ADPGK: variants seen among roughly 807,000 people sequenced by gnomAD.
ADPGK encodes ADP dependent glucokinase, also known as ADP-dependent glucokinase.
ADPGK carries 26 observed loss-of-function variants against 42.4 expected under a neutral mutation model. That is an observed-to-expected ratio of 0.61 (90% CI 0.45 to 0.85). ADPGK has a LOEUF of 0.85. Among genes scored for constraint, ADPGK ranks in the 40% least tolerant of loss-of-function variants. ADPGK has a pLI of 0.00. For missense variants in ADPGK, 571 were observed against 627.0 expected (o/e 0.91, Z 0.95); for synonymous variants, 267 against 252.6 (o/e 1.06, Z -0.54).
At chr15:72,753,829 A>C (rs1323447735) in intron 6 of ADPGK, among the ~76,000 whole-genome samples, 1 of 152,160 alleles carries the variant, frequency 6.6e-6, no homozygotes, top group East Asian at 1.9e-4. Flanking sequence ...GAAATGGCTC[A>C]TTTTTTTAAA....
At position 72,783,603 on chromosome 15, in the gene ADPGK, G is replaced by T; in HGVS notation, c.89C>A (p.Ser30Ter). ...CGAGCTCCAGAGAGAGCGCAGCGCC[G>T]AGCCTGGCAGCTCTGGCTCCAGCAG... ...VFLLEPELPGSALRSLWSSLC... is the reference protein window; with the variant it reads ...VFLLEPELPG Residue 30 changes from serine to a stop codon, truncating the protein, a stop_gained, in exon 1 of 7, where the codon TCG becomes TAG. Transcript: ENST00000456471. LOFTEE classifies it high-confidence loss of function. 6.6e-7 allele frequency: 1 copy of T among 1,516,348 alleles called. No individual in the cohort carries two copies. Among genetic ancestry groups the T allele is most frequent in the Non-Finnish European group, 8.8e-7 (1 of 1,140,218 alleles). 93.9% of individuals were successfully genotyped at this position (1,516,348 alleles called of 1,614,324 possible). A position where few individuals can be genotyped will look rare whatever the true frequency, so the allele number is the denominator to read the frequency against.
At chr15:72,772,500 C>G (rs1316188235) in intron 2 of ADPGK, among the ~76,000 whole-genome samples, 1 of 152,154 alleles carries the variant, frequency 6.6e-6, no homozygotes, top group Non-Finnish European at 1.5e-5. Context: ...TCCCCTTACA[C>G]CCCACTGACA....
rs574477930 is a variant in ADPGK at position 72,781,170 on chromosome 15, T to C, written c.233+2289A>G. On this transcript the variant is annotated intron_variant, in intron 1 of 6. Transcript: ENST00000456471. ...CCCTATCTTTGGGCTAAAAATCCTC[T>C]TTGGGTAATAAATGATGAGAAGCAG... 2.6e-5 allele frequency among the ~76,000 whole-genome samples: 4 copies of C among 152,324 alleles called. No individual in the cohort carries two copies. In the South Asian group the frequency reaches 8.3e-4, roughly 32 times the overall value.
In ADPGK at chr15:72,783,755, C is replaced by T; in HGVS notation, c.-64G>A. Reference sequence around the variant, plus strand: ...TCCTAGCCCGCGCCTCTTCCGGGCTCGGCGCGCGCCGATGTCGACACAAGC... The same window carrying T: ...TCCTAGCCCGCGCCTCTTCCGGGCTTGGCGCGCGCCGATGTCGACACAAGC... On this transcript the variant is annotated 5_prime_UTR_variant, in exon 1 of 7. Coordinates refer to ENST00000456471, the MANE Select transcript of ADPGK (RefSeq NM_001365225.1). 1 of 1,381,360 alleles carries T rather than the reference C, an allele frequency of 7.2e-7. No homozygotes were observed. The allele number at this position is 1,381,360 out of a possible 1,614,324, so 85.6% of individuals were successfully genotyped here.
chr15:72,775,222 C>T, intron 1 of ADPGK, 125 bp from the exon 2 acceptor site: 2 of 776,008 alleles, frequency 2.6e-6, no homozygotes, highest in South Asian at 1.6e-5. Flanking sequence ...GGTCTGAAAC[C>T]TGAATTGGGA....
chr15:72,756,515 A>G (rs1595788707), intron 4 of ADPGK, 68 bp from the exon 5 acceptor site: 4 of 1,535,568 alleles, frequency 2.6e-6, no homozygotes, highest in Non-Finnish European at 3.5e-6. Flanking sequence ...CTGTGGGGGC[A>G]CTTTCAGGCA....
chr15:72,760,074 G>A (rs754753090), intron 4 of ADPGK: 41 of 157,996 alleles, frequency 2.6e-4, no homozygotes, highest in Admixed American at 5.1e-4. Flanking sequence ...CCTTTCTCTT[G>A]TCTTAGTCAT....
intron 1 of ADPGK, among the ~76,000 whole-genome samples, chr15:72,777,630 A>G (rs984186440): frequency 1.3e-5 from 2 of 151,968 alleles, no homozygotes; most frequent in African/African-American, 4.8e-5. Context: ...GTGAGCTGAG[A>G]TCGTGCCATG....
chr15:72,760,480 A>G lies in ADPGK; in HGVS notation c.570T>C (p.Asp190=). The change falls in exon 4 of 7, where the codon GAT becomes GAC. Residue 190 remains aspartate, a synonymous_variant. Coordinates refer to ENST00000456471, the MANE Select transcript of ADPGK (RefSeq NM_001365225.1). The part of the protein sequence containing the change: ...PVGPKLHELL[D]DNVFVPPESL... ...ACTCTGGTGGAACAAAGACATTGTC[A>G]TCAAGAAGCTCATGTAGCTTTGGAC... The G allele has an allele frequency of 1.2e-6, 2 of 1,610,526 alleles. No homozygotes were observed. The highest frequency in any genetic ancestry group is 1.7e-6 in the Non-Finnish European group (2 of 1,177,130).
At position 72,771,829 on chromosome 15, in the gene ADPGK, T is replaced by C. The variant is rs761110123; in HGVS notation, c.476A>G (p.Asn159Ser). Residue 159 changes from asparagine to serine, a missense_variant, in exon 3 of 7, where the codon AAT (asparagine) becomes AGT (serine). Around this residue, in one of 2 missense-constraint regions of ADPGK, gnomAD observed 434 missense variants for 522.7 expected, o/e 0.83. Transcript: ENST00000456471. Reference protein sequence around the residue: ...FPGAQHYVGGNAALIGQKFAA... With the variant: ...FPGAQHYVGGSAALIGQKFAA... ...AAATTTCTGTCCAATTAAAGCTGCATTTCCTCCTACATAGTGCTGTAAGAG... is the reference window on the plus strand; with the variant it reads ...AAATTTCTGTCCAATTAAAGCTGCACTTCCTCCTACATAGTGCTGTAAGAG... 5 of 1,613,350 alleles carry C rather than the reference T, an allele frequency of 3.1e-6. No homozygotes were observed. The South Asian group carries it at 5.5e-5, about 18-fold the overall frequency.
chr15:72,764,996 G>GAA (rs56080191), intron 3 of ADPGK, among the ~76,000 whole-genome samples: 1 of 136,576 alleles, frequency 7.3e-6, no homozygotes. Flanking sequence ...CTACTGCTCA[G>GAA]AAAAAAAAAA....
intron 6 of ADPGK, among the ~76,000 whole-genome samples, chr15:72,754,712 A>C (rs77474591): frequency 0.076 from 11,507 of 152,288 alleles, 605 homozygotes; most frequent in Non-Finnish European, 0.12. Context: ...CCATATGGCT[A>C]TGAAAAGACA....
At chr15:72,766,517 T>C (rs1327406998) in intron 3 of ADPGK, among the ~76,000 whole-genome samples, 1 of 152,200 alleles carries the variant, frequency 6.6e-6, no homozygotes, top group Non-Finnish European at 1.5e-5. Context: ...AGATGATTGT[T>C]AACATTTTTT....
At position 72,775,035 on chromosome 15, in the gene ADPGK, C is replaced by G. The variant is rs1360788590; in HGVS notation, c.296G>C (p.Ser99Thr). Reference protein sequence around the residue: ...GVKLLQALGLSPGNGKDHSIL... With the variant: ...GVKLLQALGLTPGNGKDHSIL... The stretch of plus-strand genomic sequence containing the variant: ...GCTGTGATCTTTCCCATTCCCAGGA[C>G]TAAGGCCAAGTGCCTGCAAGAGCTT... The change falls in exon 2 of 7, where the codon AGT becomes ACT. Residue 99 changes from serine (S) to threonine (T), a missense_variant. Around this residue, in one of 2 missense-constraint regions of ADPGK, gnomAD observed 434 missense variants for 522.7 expected, o/e 0.83. Coordinates refer to ENST00000456471, the MANE Select transcript of ADPGK (RefSeq NM_001365225.1). 6.2e-7 allele frequency: 1 copy of G among 1,614,160 alleles called. No homozygotes were observed. The highest frequency in any genetic ancestry group is 8.5e-7 in the Non-Finnish European group (1 of 1,180,034).
At chr15:72,768,368 ACT>A (rs1485039501) in intron 3 of ADPGK, among the ~76,000 whole-genome samples, 3 of 152,072 alleles carry the variant, frequency 2.0e-5, no homozygotes, top group African/African-American at 7.2e-5. Flanking sequence ...TGCGACACTC[ACT>A]CTGTTTTAAA....
intron 2 of ADPGK, among the ~76,000 whole-genome samples, chr15:72,772,733 T>C (rs886497746): frequency 6.6e-6 from 1 of 152,124 alleles, no homozygotes; most frequent in Admixed American, 6.5e-5. Context: ...TTGGGAAACA[T>C]AAAAGTTTTC....
chr15:72,759,096 C>G (rs926967740), intron 4 of ADPGK, among the ~76,000 whole-genome samples: 2 of 152,202 alleles, frequency 1.3e-5, no homozygotes, highest in African/African-American at 4.8e-5. Flanking sequence ...CGCCTCCACA[C>G]CTGGCTAATT....
chr15:72,759,037 C>T (rs563991706), intron 4 of ADPGK, among the ~76,000 whole-genome samples: 8 of 152,334 alleles, frequency 5.3e-5, no homozygotes, highest in African/African-American at 1.9e-4. Context: ...CTCCCAGGCT[C>T]AAGCAATTCT....
intron 6 of ADPGK, among the ~76,000 whole-genome samples, chr15:72,754,726 G>A (rs1012904277): frequency 1.3e-5 from 2 of 152,114 alleles, no homozygotes; most frequent in Non-Finnish European, 2.9e-5. Flanking sequence ...AAAGACAGAG[G>A]ATACTCTCCA....
Sources: allele counts gnomAD v4.1 joint callset (sites outside exome capture counted in the v4.1 genomes callset), GRCh38; gene constraint gnomAD v4.1.1; regional missense constraint gnomAD v4.1.1; transcripts MANE v1.5; gene names NCBI Gene and HGNC (gene_info 2026-07-23, HGNC 2026-07-21).